Variants in HTR3B observed in about 807,000 individuals in gnomAD.
HTR3B encodes the protein 5-hydroxytryptamine (serotonin) receptor 3B, ionotropic.
A neutral mutation model predicts 42.8 loss-of-function variants in HTR3B; 44 were observed. That is an observed-to-expected ratio of 1.03 (90% CI 0.81 to 1.32). The LOEUF is 1.32. HTR3B is among the 40% of genes most tolerant of loss of function. The pLI, the probability that HTR3B is intolerant of heterozygous loss-of-function variation, is 0.00. For synonymous variants in HTR3B, 203 were observed against 209.0 expected (o/e 0.97, Z 0.25); for missense variants, 527 against 536.5 (o/e 0.98, Z 0.17).
At chr11:113,927,973 C>A (rs1342177110) in intron 2 of HTR3B, among the ~76,000 whole-genome samples, 1 of 152,170 alleles carries the variant, frequency 6.6e-6, no homozygotes, top group Non-Finnish European at 1.5e-5. Flanking sequence ...CACCTATCAA[C>A]CCATCACCTA....
rs1368033736 is a variant in HTR3B, at chr11:113,946,001, A to G, written c.1190A>G (p.Gln397Arg). The change falls in exon 9 of 9, where the codon CAG (glutamine) becomes CGG (arginine). Residue 397 changes from glutamine to arginine, a missense_variant. Gln to Arg is a conservative substitution (Grantham distance 43, BLOSUM62 1). Coordinates refer to ENST00000260191, the MANE Select transcript of HTR3B (RefSeq NM_006028.5). The part of the protein sequence containing the change: ...SISNYLQTQD[Q>R]TDQQEAEWLV... ...AGCAACTACCTCCAAACTCAGGACC[A>G]GACAGACCAACAGGAGGCAGAGTGG... 1.9e-6 allele frequency: 3 copies of G among 1,613,988 alleles called. No homozygotes were observed. Among genetic ancestry groups the G allele is most frequent in the Non-Finnish European group, 2.5e-6 (3 of 1,180,012 alleles).
intron 2 of HTR3B, among the ~76,000 whole-genome samples, chr11:113,926,393 T>C (rs1949972230): frequency 6.6e-6 from 1 of 152,092 alleles, no homozygotes. Flanking sequence ...CTGAGTAGAA[T>C]TGTTGCATTA....
At chr11:113,908,653 T>C (rs774454652) in intron 1 of HTR3B, among the ~76,000 whole-genome samples, 4 of 152,204 alleles carry the variant, frequency 2.6e-5, no homozygotes, top group Non-Finnish European at 5.9e-5. Context: ...GATTTTTGGG[T>C]CAGAAGAAAT....
chr11:113,944,172 A>T (rs1950158557), intron 7 of HTR3B, among the ~76,000 whole-genome samples: 1 of 151,572 alleles, frequency 6.6e-6, no homozygotes, highest in South Asian at 2.1e-4. Flanking sequence ...GGCGCCCGCC[A>T]CCATGCCTGG....
At chr11:113,899,574 A>G in the HTR3B span, among the ~76,000 whole-genome samples, 3 of 152,244 alleles carry the variant, frequency 2.0e-5, no homozygotes, top group Admixed American at 1.3e-4. Flanking sequence ...GAGAGGAATA[A>G]AGATATTTAA....
At chr11:113,911,729 T>A (rs954558626) in intron 2 of HTR3B, among the ~76,000 whole-genome samples, 2 of 152,168 alleles carry the variant, frequency 1.3e-5, no homozygotes, top group East Asian at 3.9e-4. Context: ...GGTTCCACCA[T>A]GTTGGTCAGG....
chr11:113,925,219 A>G (rs1023218404), intron 2 of HTR3B, among the ~76,000 whole-genome samples: 8 of 152,134 alleles, frequency 5.3e-5, no homozygotes, highest in Non-Finnish European at 1.2e-4. Flanking sequence ...ATGTCGCTGG[A>G]TAATTGGACA....
At chr11:113,928,832 C>T (rs1350829312) in intron 2 of HTR3B, among the ~76,000 whole-genome samples, 1 of 152,194 alleles carries the variant, frequency 6.6e-6, no homozygotes, top group East Asian at 1.9e-4. Flanking sequence ...CCACCGCGCC[C>T]AGCTGTAGAA....
chr11:113,911,525 C>T (rs1201705383), intron 2 of HTR3B, among the ~76,000 whole-genome samples: 1 of 151,526 alleles, frequency 6.6e-6, no homozygotes, highest in Non-Finnish European at 1.5e-5. Context: ...CCACCACACC[C>T]GGCTATTTAT....
At position 113,910,442 on chromosome 11, in the gene HTR3B, C is replaced by CTT. The variant is rs34377344; in HGVS notation, c.213+1002_213+1003dup. 1.4e-3 allele frequency among the ~76,000 whole-genome samples: 185 copies of CTT among 136,250 alleles called. 3 individuals are homozygous for CTT. The highest frequency in any genetic ancestry group is 7.6e-3 in the Middle Eastern group (2 of 264). 89.4% of individuals were successfully genotyped at this position (136,250 alleles called of 152,430 possible). On this transcript the variant is annotated intron_variant, in intron 2 of 8. Transcript: ENST00000260191. Reference sequence around the variant, plus strand: ...CCCAGAGTTATTTTGATTTCTCTCTCTTTTTTTTTTTTTTTTGAGACGGAG... The same window carrying CTT: ...CCCAGAGTTATTTTGATTTCTCTCTCTTTTTTTTTTTTTTTTTTGAGACGGAG...
At chr11:113,932,709 A>G (rs1053070828) in intron 5 of HTR3B, among the ~76,000 whole-genome samples, 3 of 152,206 alleles carry the variant, frequency 2.0e-5, no homozygotes, top group East Asian at 1.9e-4. Context: ...GGCAAGCTCC[A>G]TCATTCTACA....
chr11:113,932,755 GT>G (rs990558989), intron 5 of HTR3B, among the ~76,000 whole-genome samples, 180 bp from the exon 6 acceptor site: 1 of 152,066 alleles, frequency 6.6e-6, no homozygotes, highest in African/African-American at 2.4e-5. Flanking sequence ...CACAGTTGTT[GT>G]TTTTTTATGA....
chr11:113,923,591 A>G (rs1021206813), intron 2 of HTR3B, among the ~76,000 whole-genome samples: 21 of 152,180 alleles, frequency 1.4e-4, no homozygotes, highest in African/African-American at 4.8e-4. Context: ...AATTATCTGT[A>G]TATTTGCTAA....
At chr11:113,929,222 G>A (rs1482637396) in intron 2 of HTR3B, among the ~76,000 whole-genome samples, 2 of 152,212 alleles carry the variant, frequency 1.3e-5, no homozygotes, top group African/African-American at 4.8e-5. Flanking sequence ...TAATGAGTGT[G>A]AGTTTGTATC....
Position 113,931,879 on chromosome 11 carries a change from A to G in HTR3B, c.368+12A>G, listed in dbSNP as rs1176746. ...ATCATCAATGAGTTGTAAGTGTGCC[A>G]GTGTGTATTTCTGTGGGGTTTAGAC... On this transcript the variant is annotated intron_variant, in intron 4 of 8. Transcript: ENST00000260191. The G allele has an allele frequency of 0.64, 922,039 of 1,434,708 alleles. 301,013 individuals carry two copies. Among genetic ancestry groups the G allele is most frequent in the African/African-American group, 0.87 (62,325 of 71,506 alleles). 88.9% of individuals were successfully genotyped at this position (1,434,708 alleles called of 1,614,324 possible). A position where few individuals can be genotyped will look rare whatever the true frequency, so the allele number is the denominator to read the frequency against.
chr11:113,931,830 A>T lies in HTR3B; in HGVS notation c.331A>T (p.Ser111Cys). 6.2e-7 allele frequency: 1 copy of T among 1,610,608 alleles called. No individual in the cohort carries two copies. Among genetic ancestry groups the T allele is most frequent in the Non-Finnish European group, 8.5e-7 (1 of 1,176,756 alleles). Reference sequence around the variant, plus strand: ...GATTAGAGAGATCTCCCTACCTCTAAGTGCCATCTGGGCCCCCGATATCAT... The same window carrying T: ...GATTAGAGAGATCTCCCTACCTCTATGTGCCATCTGGGCCCCCGATATCAT... ...DEIREISLPL[S>C]AIWAPDIIIN... The change falls in exon 4 of 9, where the codon AGT (serine) becomes TGT (cysteine). Residue 111 changes from serine to cysteine, a missense_variant. Ser to Cys is a moderately radical substitution (Grantham distance 112). Coordinates refer to ENST00000260191, the MANE Select transcript of HTR3B (RefSeq NM_006028.5).
upstream of HTR3B, among the ~76,000 whole-genome samples, chr11:113,900,320 C>G (rs913312768): frequency 3.3e-5 from 5 of 152,064 alleles, no homozygotes. Flanking sequence ...CTTACATATA[C>G]TGATCTGCTG....
intron 1 of HTR3B, chr11:113,909,093 G>A (rs915466466): frequency 4.4e-5 from 26 of 588,286 alleles, no homozygotes; most frequent in East Asian, 2.8e-5. Context: ...TTACAATGAG[G>A]TTTCTCCATT....
intron 2 of HTR3B, among the ~76,000 whole-genome samples, chr11:113,928,682 G>T (rs751690242): frequency 8.5e-5 from 13 of 152,102 alleles, no homozygotes; most frequent in Admixed American, 1.3e-4. Context: ...GATTACAGGT[G>T]TGCGCTACCA....
Sources: allele counts gnomAD v4.1 joint callset (sites outside exome capture counted in the v4.1 genomes callset), GRCh38; gene constraint gnomAD v4.1.1; transcripts MANE v1.5; gene names NCBI Gene and HGNC (gene_info 2026-07-23, HGNC 2026-07-21).